Variants in IGHMBP2 observed in about 807,000 individuals in gnomAD.
IGHMBP2 encodes the protein immunoglobulin mu DNA binding protein 2.
Under a neutral mutation model 96.0 loss-of-function variants are expected in IGHMBP2, and 81 were observed. That is an observed-to-expected ratio of 0.84 (90% CI 0.71 to 1.01). IGHMBP2 has a LOEUF of 1.01. IGHMBP2 is among the 50% of genes least tolerant of loss of function. IGHMBP2 has a pLI of 0.00. For missense variants in IGHMBP2, 1,227 were observed against 1,306.3 expected, an observed-to-expected ratio of 0.94 and a Z score of 0.94; for synonymous variants, 557 against 548.9, an observed-to-expected ratio of 1.01 and a Z score of -0.21.
At chr11:68,929,041 T>C (rs189146410) in intron 7 of IGHMBP2, 142 bp from the exon 8 acceptor site, 2 of 844,334 alleles carry the variant, frequency 2.4e-6, no homozygotes, top group East Asian at 4.9e-5. Context: ...GCCAAGTTTT[T>C]ATTACAAGAT....
chr11:68,909,631 T>A (rs1053156094), intron 4 of IGHMBP2, among the ~76,000 whole-genome samples: 7 of 147,026 alleles, frequency 4.8e-5, no homozygotes. Context: ...GGAAAAATCT[T>A]TTTTTTTTTT....
In IGHMBP2 at chr11:68,933,500, C is replaced by T; in HGVS notation, c.1418+19C>T. 1 of 1,604,666 alleles carries T rather than the reference C, an allele frequency of 6.2e-7. No individual in the cohort carries two copies. The highest frequency in any genetic ancestry group is 8.5e-7 in the Non-Finnish European group (1 of 1,175,790). On this transcript the variant is annotated intron_variant, in intron 9 of 14. Transcript: ENST00000255078. Reference sequence around the variant, plus strand: ...TCCTGAGGTGAGTAGCTCGGCACCACCCGCCGCCCCATCCTTCTGCCCTGG... The same window carrying T: ...TCCTGAGGTGAGTAGCTCGGCACCATCCGCCGCCCCATCCTTCTGCCCTGG...
At chr11:68,933,089 T>C in intron 8 of IGHMBP2, 1 of 606,364 alleles carries the variant, frequency 1.6e-6, no homozygotes, top group South Asian at 1.9e-5. Flanking sequence ...CCTGTTGTCC[T>C]GTAAGGGAAC....
chr11:68,931,260 C>G (rs138329098), intron 8 of IGHMBP2, among the ~76,000 whole-genome samples: 23 of 152,270 alleles, frequency 1.5e-4, no homozygotes, highest in African/African-American at 5.5e-4. Context: ...TGGGGGTTGT[C>G]CTTCCTGGGG....
At position 68,914,922 on chromosome 11, in the gene IGHMBP2, C is replaced by T; in HGVS notation, c.811C>T (p.Leu271Phe). 6.2e-7 allele frequency: 1 copy of T among 1,614,180 alleles called. No homozygotes were observed. Among genetic ancestry groups the T allele is most frequent in the South Asian group, 1.1e-5 (1 of 91,088 alleles). ...RILRLGHPAR[L>F]LESIQQHSLD... ...TCTGCGCCTGGGACACCCTGCCCGC[C>T]TCCTGGAGTCCATTCAGCAGCACTC... The change falls in exon 6 of 15, where the codon CTC becomes TTC. Residue 271 changes from leucine (L) to phenylalanine (F), a missense_variant. By Grantham distance (22) the Leu-to-Phe change is conservative. Around this residue, in one of 3 missense-constraint regions of IGHMBP2, gnomAD observed 507 missense variants for 496.9 expected, o/e 1.02. Transcript: ENST00000255078.
intron 7 of IGHMBP2, among the ~76,000 whole-genome samples, chr11:68,919,819 C>T (rs1012363052): frequency 2.0e-5 from 3 of 152,192 alleles, no homozygotes; most frequent in African/African-American, 7.2e-5. Flanking sequence ...AAATGACCTT[C>T]TTTATCCCTG....
intron 8 of IGHMBP2, among the ~76,000 whole-genome samples, chr11:68,931,487 G>A (rs1397478551): frequency 6.6e-6 from 1 of 152,200 alleles, no homozygotes; most frequent in Non-Finnish European, 1.5e-5. Flanking sequence ...AGAGCACCGG[G>A]AGACGCAGAT....
At position 68,904,009 on chromosome 11, in the gene IGHMBP2, T is replaced by C. The variant is rs1249463; in HGVS notation, c.57T>C (p.Leu19=). Residue 19 remains leucine (L), a synonymous_variant, in exon 1 of 15, where the codon CTT becomes CTC. Coordinates refer to ENST00000255078, the MANE Select transcript of IGHMBP2 (RefSeq NM_002180.3). ...FVTKQLDLLE[L]ERDAEVEERR... ...CCAAGCAACTGGACCTGCTGGAGCT[T>C]GAGAGAGACGCGGAGGTGGAGGAGC... is the stretch of plus-strand genomic sequence containing the variant. 1,261,672 of 1,550,292 alleles carry C rather than the reference T, an allele frequency of 0.81. 517,889 individuals carry two copies. Among genetic ancestry groups the C allele is most frequent in the Non-Finnish European group, 0.85 (970,146 of 1,146,802 alleles).
chr11:68,918,898 C>T (rs1237535247), intron 7 of IGHMBP2, among the ~76,000 whole-genome samples: 4 of 152,138 alleles, frequency 2.6e-5, no homozygotes, highest in Admixed American at 6.5e-5. Flanking sequence ...TGATCTTTAT[C>T]GTTTTCTGTT....
chr11:68,931,672 T>A (rs190658060), intron 8 of IGHMBP2, among the ~76,000 whole-genome samples: 239 of 152,206 alleles, frequency 1.6e-3, no homozygotes, highest in South Asian at 3.1e-3. Context: ...GCAGCCGGCA[T>A]GATGGCAGCA....
At chr11:68,930,133 C>G (rs1240581549) in intron 8 of IGHMBP2, 1 of 1,192,392 alleles carries the variant, frequency 8.4e-7, no homozygotes, top group Non-Finnish European at 1.1e-6. Flanking sequence ...TGCCCTTACA[C>G]GAGGCCTGTG....
intron 1 of IGHMBP2, among the ~76,000 whole-genome samples, chr11:68,905,464 A>G (rs576774343): frequency 1.3e-5 from 2 of 152,334 alleles, no homozygotes; most frequent in East Asian, 1.9e-4. Context: ...CGTGGTGCCA[A>G]GGACAGAGTC....
Position 68,914,963 on chromosome 11 carries a change from A to C in IGHMBP2, c.852A>C (p.Leu284Phe). The C allele has an allele frequency of 6.2e-7, 1 of 1,614,152 alleles. No individual in the cohort carries two copies. The highest frequency in any genetic ancestry group is 1.1e-5 in the South Asian group (1 of 91,078). ...AGCAGCACTCCCTGGATGCGGTTTT[A>C]GCGCGGAGCGACAGTGCCCAGATTG... Reference protein sequence around the residue: ...SIQQHSLDAVLARSDSAQIVA... With the variant: ...SIQQHSLDAVFARSDSAQIVA... Residue 284 changes from leucine (L) to phenylalanine (F), a missense_variant, in exon 6 of 15, where the codon TTA becomes TTC. Around this residue, in one of 3 missense-constraint regions of IGHMBP2, gnomAD observed 507 missense variants for 496.9 expected, o/e 1.02. Coordinates refer to ENST00000255078, the MANE Select transcript of IGHMBP2 (RefSeq NM_002180.3).
chr11:68,935,168 G>A, intron 11 of IGHMBP2, 131 bp from the exon 12 acceptor site: 1 of 1,208,946 alleles, frequency 8.3e-7, no homozygotes, highest in Non-Finnish European at 1.2e-6. Context: ...TTTCCCCATG[G>A]GGCTCCTGCA....
At chr11:68,906,822 A>G (rs1188477413) in intron 2 of IGHMBP2, among the ~76,000 whole-genome samples, 2 of 151,878 alleles carry the variant, frequency 1.3e-5, no homozygotes, top group African/African-American at 4.8e-5. Context: ...TTGTATTTTT[A>G]GTAGAGACGG....
chr11:68,923,919 C>G (rs1283462198), intron 7 of IGHMBP2, among the ~76,000 whole-genome samples: 1 of 152,168 alleles, frequency 6.6e-6, no homozygotes, highest in Non-Finnish European at 1.5e-5. Flanking sequence ...TTGGTCGCCA[C>G]AGATTCTCAG....
At chr11:68,918,197 ATTC>A (rs1858743288) in intron 7 of IGHMBP2, among the ~76,000 whole-genome samples, 3 of 151,950 alleles carry the variant, frequency 2.0e-5, no homozygotes, top group Non-Finnish European at 4.4e-5. Flanking sequence ...ATATGCCCTT[ATTC>A]TTCTTTTACT....
chr11:68,916,217 C>T (rs77936249), intron 6 of IGHMBP2, among the ~76,000 whole-genome samples: 5,323 of 152,106 alleles, frequency 0.035, 312 homozygotes, highest in African/African-American at 0.12. Flanking sequence ...TCTGTCTGGT[C>T]CTGTTGTCTT....
intron 14 of IGHMBP2, among the ~76,000 whole-genome samples, chr11:68,938,630 G>A (rs1240535339): frequency 6.6e-6 from 1 of 152,226 alleles, no homozygotes; most frequent in Non-Finnish European, 1.5e-5. Context: ...GGTTCTGTCA[G>A]TGGCCTAATC....
Sources: allele counts gnomAD v4.1 joint callset (sites outside exome capture counted in the v4.1 genomes callset), GRCh38; gene constraint gnomAD v4.1.1; regional missense constraint gnomAD v4.1.1; transcripts MANE v1.5; gene names NCBI Gene and HGNC (gene_info 2026-07-23, HGNC 2026-07-21).